The following CHLSN variants were observed in gnomAD, a reference collection of about 807,000 sequenced individuals.
CHLSN encodes the protein cholesin, also known as protein cholesin.
At chr7:1,136,401 T>C in the CHLSN span, among the ~76,000 whole-genome samples, 13 of 114,318 alleles carry the variant, frequency 1.1e-4, 1 homozygote, top group Non-Finnish European at 1.6e-4. Context: ...TATATATAAA[T>C]ATATATAAAC....
At chr7:1,031,393 G>A in the CHLSN span, among the ~76,000 whole-genome samples, 3 of 148,276 alleles carry the variant, frequency 2.0e-5, no homozygotes, top group African/African-American at 7.6e-5. Context: ...GAGTGGTCCG[G>A]GGGGGCAGAG....
At chr7:1,112,827 G>C in the CHLSN span, among the ~76,000 whole-genome samples, 1 of 152,228 alleles carries the variant, frequency 6.6e-6, no homozygotes, top group Non-Finnish European at 1.5e-5. Context: ...GAAGCGCAGC[G>C]GCTTCGTAAA....
At chr7:1,009,089 C>A in the CHLSN span, among the ~76,000 whole-genome samples, 2 of 151,804 alleles carry the variant, frequency 1.3e-5, no homozygotes, top group Non-Finnish European at 2.9e-5. Context: ...TCCACGCAGG[C>A]CCCGCTGCTC....
chr7:1,115,457 C>T, the CHLSN span, among the ~76,000 whole-genome samples: 1 of 152,180 alleles, frequency 6.6e-6, no homozygotes. Flanking sequence ...GCCATCCACC[C>T]TCCTCATCAC....
chr7:1,061,617 G>A, the CHLSN span, among the ~76,000 whole-genome samples: 1 of 152,258 alleles, frequency 6.6e-6, no homozygotes, highest in East Asian at 1.9e-4. Context: ...GGCACCTCCT[G>A]AGCCTCCTGC....
chr7:1,102,624 AAG>A, the CHLSN span, among the ~76,000 whole-genome samples: 14 of 151,588 alleles, frequency 9.2e-5, no homozygotes, highest in Non-Finnish European at 1.6e-4. Context: ...AAAAAGCTTT[AAG>A]AGAGAAAGGA....
the CHLSN span, among the ~76,000 whole-genome samples, chr7:1,030,196 A>G: frequency 1.3e-5 from 2 of 151,880 alleles, no homozygotes; most frequent in Admixed American, 1.3e-4. Context: ...CCGCGCATCC[A>G]CCTGTCTTCC....
the CHLSN span, among the ~76,000 whole-genome samples, chr7:1,078,351 G>C: frequency 2.2e-5 from 2 of 90,944 alleles, no homozygotes; most frequent in African/African-American, 3.7e-5. Flanking sequence ...CTGCGGGGTG[G>C]GGGGGGGCTC....
At chr7:990,306 T>C in the CHLSN span, among the ~76,000 whole-genome samples, 1,236 of 6,742 alleles carry the variant, frequency 0.18, 44 homozygotes, top group Middle Eastern at 0.33. Context: ...GTGCTGGGGG[T>C]GGTGTGGTCG....
At chr7:1,061,855 TCCAAGCAGC>T in the CHLSN span, among the ~76,000 whole-genome samples, 1 of 140,966 alleles carries the variant, frequency 7.1e-6, no homozygotes, top group East Asian at 2.0e-4. Context: ...CCCCAATTCT[TCCAAGCAGC>T]CATCTCCCCG....
the CHLSN span, among the ~76,000 whole-genome samples, chr7:1,090,849 C>G: frequency 1.3e-5 from 2 of 152,220 alleles, no homozygotes; most frequent in Non-Finnish European, 2.9e-5. Context: ...CCCTTTCACT[C>G]TATATTACGA....
chr7:1,096,139 C>T, the CHLSN span, among the ~76,000 whole-genome samples: 24,278 of 152,200 alleles, frequency 0.16, 2,174 homozygotes, highest in South Asian at 0.18. The surrounding 1 kb of genome is among the most constrained non-coding windows in gnomAD (Gnocchi z 4.6). Flanking sequence ...CACCAGACAC[C>T]GCTGTTGAGT....
the CHLSN span, chr7:1,000,669 C>A: frequency 1.3e-6 from 1 of 760,198 alleles, no homozygotes. Flanking sequence ...AGGTACTACA[C>A]ACCAAGGCCT....
At chr7:983,519 C>A in the CHLSN span, 2 of 860,424 alleles carry the variant, frequency 2.3e-6, no homozygotes, top group African/African-American at 1.8e-5. Flanking sequence ...ACGCAGGAGG[C>A]CGGAGGGCCC....
chr7:1,119,607 G>A, the CHLSN span, among the ~76,000 whole-genome samples: 44,866 of 152,098 alleles, frequency 0.29, 7,853 homozygotes, highest in African/African-American at 0.48. Context: ...TGGGCGCAGT[G>A]GCTCACGCCT....
At chr7:1,123,609 T>A in the CHLSN span, among the ~76,000 whole-genome samples, 24 of 151,748 alleles carry the variant, frequency 1.6e-4, no homozygotes, top group South Asian at 1.0e-3. The surrounding 1 kb of genome is among the most constrained non-coding windows in gnomAD (Gnocchi z 4.4). Context: ...TTTTTTTTTT[T>A]AAAACAATTT....
the CHLSN span, among the ~76,000 whole-genome samples, chr7:1,136,103 T>A: frequency 6.4e-5 from 5 of 77,604 alleles, no homozygotes; most frequent in African/African-American, 2.7e-4. Flanking sequence ...AATGTGTATA[T>A]AAATATATAT....
At chr7:1,075,451 G>A in the CHLSN span, among the ~76,000 whole-genome samples, 1 of 151,500 alleles carries the variant, frequency 6.6e-6, no homozygotes, top group African/African-American at 2.4e-5. Context: ...TTGAACTGGG[G>A]AGGCAGAGGT....
chr7:1,009,866 G>A, the CHLSN span: 5 of 1,186,272 alleles, frequency 4.2e-6, no homozygotes, highest in African/African-American at 1.5e-5. Flanking sequence ...TCCACACAGT[G>A]TGTGCGAGTG....
Sources: allele counts gnomAD v4.1 joint callset (sites outside exome capture counted in the v4.1 genomes callset), GRCh38; gene constraint gnomAD v4.1.1; non-coding constraint Gnocchi (gnomAD v3.1); transcripts MANE v1.5; gene names NCBI Gene and HGNC (gene_info 2026-07-23, HGNC 2026-07-21).